BTBD9: variants seen among roughly 807,000 people sequenced by gnomAD.
BTBD9 encodes BTB/POZ domain-containing protein 9.
Under a neutral mutation model 64.3 loss-of-function variants are expected in BTBD9, and 49 were observed. That is an observed-to-expected ratio of 0.76 (90% CI 0.61 to 0.97). The LOEUF (loss-of-function observed/expected upper bound fraction) is 0.97. Among genes scored for constraint, BTBD9 ranks in the 50% least tolerant of loss-of-function variants. The probability of loss-of-function intolerance (pLI) is 0.00; values close to 1 mark genes in which losing one functional copy is unlikely to be tolerated. For missense variants in BTBD9, 598 were observed against 762.1 expected, an observed-to-expected ratio of 0.78 and a Z score of 2.53; for synonymous variants, 260 against 274.7, an observed-to-expected ratio of 0.95 and a Z score of 0.53.
intron 6 of BTBD9, among the ~76,000 whole-genome samples, chr6:38,469,472 A>G (rs1248802220): frequency 6.6e-6 from 1 of 152,012 alleles, no homozygotes; most frequent in Non-Finnish European, 1.5e-5. Context: ...GGCACATGCC[A>G]CCACGCCTGG....
At chr6:38,324,844 A>C (rs1040156435) in intron 7 of BTBD9, among the ~76,000 whole-genome samples, 11 of 152,202 alleles carry the variant, frequency 7.2e-5, no homozygotes, top group African/African-American at 2.4e-4. Flanking sequence ...AAGGAGATAG[A>C]CACAAGGAAA....
At position 38,362,159 on chromosome 6, in the gene BTBD9, C is replaced by T. The variant is rs939801178; in HGVS notation, c.1155-17066G>A. Among the ~76,000 whole-genome samples the T allele has an allele frequency of 4.6e-5, 7 of 152,190 alleles. No individual in the cohort carries two copies. The South Asian group carries it at 6.2e-4, about 13-fold the overall frequency. On this transcript the variant is annotated intron_variant, in intron 6 of 10. Transcript: ENST00000481247. ...TACTCCCATAGTGAACTATAACTTTCGCCCAGCTCAAATGTCACATATTTT... is the reference window on the plus strand; with the variant it reads ...TACTCCCATAGTGAACTATAACTTTTGCCCAGCTCAAATGTCACATATTTT...
intron 1 of BTBD9, among the ~76,000 whole-genome samples, chr6:38,618,322 T>C (rs915561774): frequency 6.6e-6 from 1 of 152,348 alleles, no homozygotes; most frequent in Admixed American, 6.5e-5. Context: ...ATTACAGTAC[T>C]ATCCTGCAGC....
chr6:38,559,400 A>G (rs1775171923), intron 6 of BTBD9, among the ~76,000 whole-genome samples: 1 of 152,214 alleles, frequency 6.6e-6, no homozygotes, highest in Admixed American at 6.5e-5. Context: ...AAGGACAACT[A>G]TAAAACACTG....
At chr6:38,257,560 T>A (rs1384037696) in intron 8 of BTBD9, among the ~76,000 whole-genome samples, 2 of 132,048 alleles carry the variant, frequency 1.5e-5, no homozygotes, top group African/African-American at 5.2e-5. Flanking sequence ...TATCGTGTTT[T>A]AGTTTCCTTC....
rs1428633410 is a variant in BTBD9 at position 38,556,166 on chromosome 6, T to C, written c.1154+21434A>G. ...GCCTGTCTTTGGGAACTAGAAAGGT[T>C]TCTCAGGGAACTAGAAGCACATCCC... On this transcript the variant is annotated intron_variant, in intron 6 of 10. Transcript: ENST00000481247. 2.0e-5 allele frequency among the ~76,000 whole-genome samples: 3 copies of C among 152,180 alleles called. No individual in the cohort carries two copies. The East Asian group carries it at 5.8e-4, about 29-fold the overall frequency.
At chr6:38,217,992 G>A (rs1763071126) in intron 9 of BTBD9, among the ~76,000 whole-genome samples, 1 of 152,094 alleles carries the variant, frequency 6.6e-6, no homozygotes, top group Non-Finnish European at 1.5e-5. Flanking sequence ...AGTCTACCCT[G>A]GGCTCTGCCT....
At chr6:38,535,769 C>T (rs1773997916) in intron 6 of BTBD9, among the ~76,000 whole-genome samples, 2 of 151,988 alleles carry the variant, frequency 1.3e-5, no homozygotes, top group South Asian at 4.1e-4. Context: ...AGGACAGTAT[C>T]TTCAATAAAT....
chr6:38,322,807 C>A (rs1277244566), intron 7 of BTBD9, among the ~76,000 whole-genome samples: 1 of 152,158 alleles, frequency 6.6e-6, no homozygotes, highest in Non-Finnish European at 1.5e-5. Flanking sequence ...AGAAATCCTG[C>A]CTTTTAGCTT....
intron 6 of BTBD9, among the ~76,000 whole-genome samples, chr6:38,515,195 T>C (rs560013293): frequency 2.8e-4 from 43 of 152,376 alleles, no homozygotes; most frequent in African/African-American, 1.0e-3. Flanking sequence ...CCACAGACTT[T>C]CTATATGAAC....
intron 5 of BTBD9, 33 bp from the exon 6 acceptor site, chr6:38,577,752 T>G (rs1230267488): frequency 1.1e-5 from 17 of 1,584,390 alleles, no homozygotes; most frequent in Admixed American, 3.6e-5. Flanking sequence ...AGAAAAAAAT[T>G]ACCACATTAA....
intron 4 of BTBD9, chr6:38,588,555 T>A: frequency 1.6e-6 from 1 of 624,318 alleles, no homozygotes; most frequent in Non-Finnish European, 2.4e-6. Flanking sequence ...CCAATTAATG[T>A]AGCTGCTAGC....
intron 6 of BTBD9, among the ~76,000 whole-genome samples, chr6:38,365,378 T>G (rs1445926437): frequency 2.6e-5 from 4 of 151,868 alleles, no homozygotes; most frequent in Non-Finnish European, 4.4e-5. Context: ...GAAGTAAAAA[T>G]AACCGGAGGA....
chr6:38,426,084 G>A (rs1768135465), intron 6 of BTBD9, among the ~76,000 whole-genome samples: 1 of 151,898 alleles, frequency 6.6e-6, no homozygotes, highest in Non-Finnish European at 1.5e-5. Context: ...AGGAGGGGCT[G>A]TCCAGAGCTG....
intron 6 of BTBD9, among the ~76,000 whole-genome samples, chr6:38,563,403 A>C (rs542873237): frequency 6.6e-6 from 1 of 152,256 alleles, no homozygotes; most frequent in African/African-American, 2.4e-5. Context: ...CTTACACAAG[A>C]CCACCACTCC....
chr6:38,474,232 A>T (rs977248907), intron 6 of BTBD9, among the ~76,000 whole-genome samples: 10 of 152,190 alleles, frequency 6.6e-5, no homozygotes, highest in Non-Finnish European at 1.2e-4. Context: ...GTAGTTCTGG[A>T]AAGAGCTGAG....
intron 6 of BTBD9, among the ~76,000 whole-genome samples, chr6:38,536,477 T>C (rs1482761826): frequency 6.6e-6 from 1 of 152,144 alleles, no homozygotes; most frequent in Non-Finnish European, 1.5e-5. Flanking sequence ...CACTGCTAGG[T>C]ATATACCCAA....
intron 9 of BTBD9, among the ~76,000 whole-genome samples, chr6:38,238,503 C>T (rs1250952417): frequency 6.2e-5 from 8 of 128,326 alleles, no homozygotes; most frequent in Admixed American, 5.4e-4. Context: ...GACGGAGTCT[C>T]GCTCTGTCGC....
intron 6 of BTBD9, among the ~76,000 whole-genome samples, chr6:38,498,696 G>T (rs1435433694): frequency 6.6e-6 from 1 of 152,084 alleles, no homozygotes. Flanking sequence ...AAAATTATTT[G>T]ATTCTAAAAC....
Sources: allele counts gnomAD v4.1 joint callset (sites outside exome capture counted in the v4.1 genomes callset), GRCh38; gene constraint gnomAD v4.1.1; transcripts MANE v1.5; gene names NCBI Gene and HGNC (gene_info 2026-07-23, HGNC 2026-07-21).